MLLT3: variants seen among roughly 807,000 people sequenced by gnomAD.
The protein encoded by MLLT3 is protein AF-9.
In MLLT3, 4 loss-of-function variants were observed where a neutral mutation model predicts 53.2. The observed-to-expected ratio is 0.08, with a 90% CI of 0.04 to 0.17. The LOEUF is 0.17. Among genes scored for constraint, MLLT3 ranks in the 10% least tolerant of loss-of-function variants. The pLI, the probability that MLLT3 is intolerant of heterozygous loss-of-function variation, is 1.00. For missense variants in MLLT3, 569 were observed against 684.0 expected (o/e 0.83, Z 1.87); for synonymous variants, 283 against 230.6 (o/e 1.23, Z -2.06).
intron 2 of MLLT3, among the ~76,000 whole-genome samples, chr9:20,514,142 G>C (rs555509539): frequency 2.0e-5 from 3 of 152,308 alleles, no homozygotes; most frequent in East Asian, 3.9e-4. Flanking sequence ...ACTCATTCCG[G>C]ATTTTCCTTG....
At chr9:20,566,032 ATT>A (rs1455608983) in intron 2 of MLLT3, among the ~76,000 whole-genome samples, 2 of 118,536 alleles carry the variant, frequency 1.7e-5, no homozygotes, top group African/African-American at 5.8e-5. Context: ...ATTTATTTAT[ATT>A]TATTTATTTA....
At chr9:20,604,375 TCA>T (rs1300676898) in intron 2 of MLLT3, among the ~76,000 whole-genome samples, 11 of 151,974 alleles carry the variant, frequency 7.2e-5, no homozygotes, top group East Asian at 3.9e-4. Flanking sequence ...AACTCAATTT[TCA>T]CAGTTTTCTA....
chr9:20,352,042 A>C (rs1821041999), intron 10 of MLLT3, among the ~76,000 whole-genome samples: 1 of 152,234 alleles, frequency 6.6e-6, no homozygotes, highest in African/African-American at 2.4e-5. Context: ...ATACTAAAAT[A>C]ATCCACTTGG....
intron 4 of MLLT3, among the ~76,000 whole-genome samples, chr9:20,434,201 T>A (rs1231158278): frequency 6.6e-6 from 1 of 152,050 alleles, no homozygotes; most frequent in East Asian, 1.9e-4. Context: ...GGATAACAAG[T>A]TAATAATGTA....
chr9:20,372,554 A>ATTTTTT (rs34889625), intron 5 of MLLT3, among the ~76,000 whole-genome samples: 7 of 82,228 alleles, frequency 8.5e-5, no homozygotes, highest in Admixed American at 1.6e-4. Flanking sequence ...CGCCCGGCTA[A>ATTTTTT]TTTTTTTTTT....
intron 2 of MLLT3, among the ~76,000 whole-genome samples, chr9:20,611,647 T>G (rs1372414450): frequency 6.6e-6 from 1 of 152,102 alleles, no homozygotes; most frequent in Non-Finnish European, 1.5e-5. Flanking sequence ...GCCATAATTT[T>G]CTTTAATAAA....
intron 2 of MLLT3, among the ~76,000 whole-genome samples, chr9:20,457,850 T>C (rs1824010129): frequency 6.6e-6 from 1 of 152,072 alleles, no homozygotes; most frequent in African/African-American, 2.4e-5. Flanking sequence ...CGAAAATCAG[T>C]CACAAGCCAA....
intron 2 of MLLT3, among the ~76,000 whole-genome samples, chr9:20,577,644 C>T (rs761775823): frequency 1.3e-5 from 2 of 152,150 alleles, no homozygotes; most frequent in Non-Finnish European, 2.9e-5. Flanking sequence ...CATTACTGCA[C>T]AATAGAAGAC....
intron 5 of MLLT3, among the ~76,000 whole-genome samples, chr9:20,368,557 A>G (rs138329820): frequency 1.7e-3 from 253 of 152,264 alleles, no homozygotes; most frequent in African/African-American, 5.6e-3. Context: ...CATCTCTCCA[A>G]CTACCCCACA....
intron 5 of MLLT3, among the ~76,000 whole-genome samples, chr9:20,399,769 T>C (rs1822409800): frequency 6.6e-6 from 1 of 152,118 alleles, no homozygotes; most frequent in South Asian, 2.1e-4. Flanking sequence ...ACTTAAAATA[T>C]AATTTGAGGC....
At chr9:20,503,299 A>AC (rs1825295229) in intron 2 of MLLT3, among the ~76,000 whole-genome samples, 1 of 152,230 alleles carries the variant, frequency 6.6e-6, no homozygotes, top group Non-Finnish European at 1.5e-5. Flanking sequence ...AAAGTATACT[A>AC]CCAAGCTACA....
intron 2 of MLLT3, among the ~76,000 whole-genome samples, chr9:20,531,386 T>C (rs1192351423): frequency 6.6e-6 from 1 of 152,190 alleles, no homozygotes; most frequent in Non-Finnish European, 1.5e-5. Context: ...TCCACCCACC[T>C]TGGGCTCCCA....
intron 2 of MLLT3, among the ~76,000 whole-genome samples, chr9:20,483,223 C>G (rs1448881964): frequency 3.2e-5 from 4 of 126,098 alleles, no homozygotes; most frequent in African/African-American, 1.3e-4. Flanking sequence ...TATATTACTA[C>G]AAATTATTAT....
chr9:20,600,067 T>A (rs910349321), intron 2 of MLLT3, among the ~76,000 whole-genome samples: 1 of 151,854 alleles, frequency 6.6e-6, no homozygotes, highest in Non-Finnish European at 1.5e-5. Flanking sequence ...TTCAGGATAA[T>A]TTTTTTAAAT....
chr9:20,392,435 T>C (rs976071569), intron 5 of MLLT3, among the ~76,000 whole-genome samples: 2 of 152,216 alleles, frequency 1.3e-5, no homozygotes, highest in African/African-American at 2.4e-5. Flanking sequence ...GTAGCTTATA[T>C]AGAGCTGACA....
At chr9:20,478,945 G>A (rs1477387586) in intron 2 of MLLT3, among the ~76,000 whole-genome samples, 2 of 152,152 alleles carry the variant, frequency 1.3e-5, no homozygotes, top group Admixed American at 1.3e-4. Flanking sequence ...AATAGCAGCT[G>A]TGGGAATGCT....
At chr9:20,432,552 A>G (rs547738144) in intron 4 of MLLT3, among the ~76,000 whole-genome samples, 2 of 152,154 alleles carry the variant, frequency 1.3e-5, no homozygotes, top group Non-Finnish European at 2.9e-5. Flanking sequence ...CCTTTGTCCT[A>G]ATACGTGGAG....
chr9:20,412,381 G>C (rs1314491469), intron 5 of MLLT3, among the ~76,000 whole-genome samples: 1 of 152,138 alleles, frequency 6.6e-6, no homozygotes, highest in African/African-American at 2.4e-5. Flanking sequence ...ACCAAATACT[G>C]GAACAAATTT....
chr9:20,504,350 T>TTGTGTGTGTGTGTGTGTG (rs71334530), intron 2 of MLLT3, among the ~76,000 whole-genome samples: 4 of 148,980 alleles, frequency 2.7e-5, no homozygotes, highest in African/African-American at 9.9e-5. Context: ...CCCAATGGAA[T>TTGTGTGTGTGTGTGTGTG]TGTGTGTGTG....
Sources: gnomAD v4.1 joint callset for allele counts (sites outside exome capture counted in the v4.1 genomes callset) on GRCh38, gnomAD v4.1.1 for gene constraint, MANE v1.5 for transcripts, NCBI Gene and HGNC (gene_info 2026-07-23, HGNC 2026-07-21) for gene names.